PDE4B: variants seen among roughly 807,000 people sequenced by gnomAD.
The protein encoded by PDE4B is phosphodiesterase 4B, also known as 3',5'-cyclic-AMP phosphodiesterase 4B.
PDE4B carries 20 observed loss-of-function variants against 82.2 expected under a neutral mutation model. The observed-to-expected ratio is 0.24, with a 90% CI of 0.17 to 0.35. The LOEUF (loss-of-function observed/expected upper bound fraction) is 0.35. Among genes scored for constraint, PDE4B ranks in the 10% least tolerant of loss-of-function variants. The pLI is 1.00. For synonymous variants in PDE4B, 320 were observed against 318.9 expected (o/e 1.00, Z -0.04); for missense variants, 655 against 907.2 (o/e 0.72, Z 3.57).
At chr1:66,066,794 T>C (rs1457387123) in intron 3 of PDE4B, among the ~76,000 whole-genome samples, 2 of 151,940 alleles carry the variant, frequency 1.3e-5, no homozygotes, top group Non-Finnish European at 2.9e-5. Context: ...GTTTCAAAGG[T>C]TTAAATATGA....
intron 3 of PDE4B, among the ~76,000 whole-genome samples, chr1:66,204,231 G>T (rs1251677685): frequency 5.9e-5 from 9 of 152,180 alleles, no homozygotes; most frequent in Non-Finnish European, 1.2e-4. Flanking sequence ...GGAGTACCCG[G>T]CTGTGTGAGG....
At chr1:65,853,434 T>A (rs1267084753) in intron 1 of PDE4B, among the ~76,000 whole-genome samples, 5 of 152,134 alleles carry the variant, frequency 3.3e-5, no homozygotes, top group African/African-American at 1.2e-4. Context: ...TCTATTTGTC[T>A]TTCCTCTTTT....
chr1:66,040,315 C>T (rs966598047), intron 3 of PDE4B, among the ~76,000 whole-genome samples: 8 of 151,948 alleles, frequency 5.3e-5, no homozygotes, highest in African/African-American at 1.9e-4. Context: ...GAGGAACCAC[C>T]TCAAAGTCTC....
At chr1:66,178,219 C>T (rs1052131759) in intron 3 of PDE4B, among the ~76,000 whole-genome samples, 1 of 151,946 alleles carries the variant, frequency 6.6e-6, no homozygotes. Flanking sequence ...TTAAAAACTA[C>T]TTTAAATATC....
intron 3 of PDE4B, among the ~76,000 whole-genome samples, chr1:65,960,938 CA>C (rs1443868218): frequency 6.6e-6 from 1 of 152,064 alleles, no homozygotes; most frequent in Non-Finnish European, 1.5e-5. Flanking sequence ...CAACTTAGCT[CA>C]AATCAATAAA....
At chr1:66,078,567 C>T (rs1321589055) in intron 3 of PDE4B, among the ~76,000 whole-genome samples, 1 of 151,948 alleles carries the variant, frequency 6.6e-6, no homozygotes, top group Non-Finnish European at 1.5e-5. Context: ...ATACACTTTC[C>T]CCTTTTCTCC....
chr1:66,046,047 AAGAGAT>A (rs1402116952), intron 3 of PDE4B, among the ~76,000 whole-genome samples: 7 of 151,754 alleles, frequency 4.6e-5, no homozygotes, highest in Non-Finnish European at 1.5e-5. Context: ...AACAGTGCAG[AAGAGAT>A]ATTTGAAAGG....
At chr1:66,079,373 ATTT>A (rs1226804871) in intron 3 of PDE4B, among the ~76,000 whole-genome samples, 1 of 152,010 alleles carries the variant, frequency 6.6e-6, no homozygotes, top group African/African-American at 2.4e-5. Flanking sequence ...GAGCTTGAGG[ATTT>A]GGACCCTTTA....
intron 8 of PDE4B, among the ~76,000 whole-genome samples, chr1:66,335,191 A>G (rs148597621): frequency 5.8e-4 from 89 of 152,354 alleles, no homozygotes; most frequent in African/African-American, 2.1e-3. Context: ...AGTGATGTGA[A>G]GAAATGTTAT....
chr1:66,189,465 T>A (rs1333204574), intron 3 of PDE4B, among the ~76,000 whole-genome samples: 1 of 152,242 alleles, frequency 6.6e-6, no homozygotes, highest in Non-Finnish European at 1.5e-5. Context: ...CACTTTCAGG[T>A]ACACCAATCA....
chr1:65,961,713 A>G (rs902797237), intron 3 of PDE4B, among the ~76,000 whole-genome samples: 1 of 152,182 alleles, frequency 6.6e-6, no homozygotes, highest in African/African-American at 2.4e-5. Flanking sequence ...AAAAATGCGT[A>G]GTAATGTCAG....
intron 1 of PDE4B, among the ~76,000 whole-genome samples, chr1:65,845,833 C>T (rs1191863421): frequency 6.6e-6 from 1 of 152,120 alleles, no homozygotes; most frequent in Admixed American, 6.6e-5. Flanking sequence ...TCTCCTTTCT[C>T]CGGATGGGTG....
chr1:66,175,469 A>G (rs948661290), intron 3 of PDE4B, among the ~76,000 whole-genome samples: 3 of 152,210 alleles, frequency 2.0e-5, no homozygotes, highest in Non-Finnish European at 4.4e-5. Flanking sequence ...AAAACCGGTA[A>G]AATAGTAACA....
rs752419418 is a variant in PDE4B at position 65,913,297 on chromosome 1, A to G, written c.-18A>G. ...TGAATAACAGACATCCTAAGAGGGG[A>G]TATTTTCCACCTCTATAATGAAGAA... On this transcript the variant is annotated 5_prime_UTR_variant, in exon 2 of 17. Coordinates refer to ENST00000341517, the MANE Select transcript of PDE4B (RefSeq NM_002600.4). The G allele has an allele frequency of 1.2e-6, 2 of 1,609,948 alleles. No homozygotes were observed. The highest frequency in any genetic ancestry group is 4.5e-5 in the East Asian group (2 of 44,850).
chr1:66,134,105 T>C (rs1646007292), intron 3 of PDE4B, among the ~76,000 whole-genome samples: 1 of 151,316 alleles, frequency 6.6e-6, no homozygotes. Context: ...TAAGATGAGA[T>C]AGAGATTACA....
intron 3 of PDE4B, among the ~76,000 whole-genome samples, chr1:65,963,817 T>C (rs989116976): frequency 6.6e-6 from 1 of 152,306 alleles, no homozygotes; most frequent in South Asian, 2.1e-4. Context: ...CATCCTGTTT[T>C]AGAAACAAAC....
chr1:66,189,676 A>C (rs1020550238), intron 3 of PDE4B, among the ~76,000 whole-genome samples: 1 of 152,018 alleles, frequency 6.6e-6, no homozygotes, highest in Non-Finnish European at 1.5e-5. Flanking sequence ...CATGGTTTTC[A>C]GCTCCCTCAG....
At chr1:66,345,178 A>C (rs1395207212) in intron 8 of PDE4B, among the ~76,000 whole-genome samples, 2 of 151,146 alleles carry the variant, frequency 1.3e-5, no homozygotes, top group African/African-American at 4.8e-5. Flanking sequence ...CTAAATGTCA[A>C]GACATAGAAT....
chr1:66,298,140 A>C (rs1657638916), intron 7 of PDE4B, among the ~76,000 whole-genome samples: 1 of 152,210 alleles, frequency 6.6e-6, no homozygotes, highest in African/African-American at 2.4e-5. Flanking sequence ...GTTCATCAAT[A>C]GAACAATATA....
Sources: gnomAD v4.1 joint callset for allele counts (sites outside exome capture counted in the v4.1 genomes callset) on GRCh38, gnomAD v4.1.1 for gene constraint, MANE v1.5 for transcripts, NCBI Gene and HGNC (gene_info 2026-07-23, HGNC 2026-07-21) for gene names.